Variants in CYP7B1 observed in about 807,000 individuals in gnomAD.
The protein encoded by CYP7B1 is cytochrome P450 family 7 subfamily B member 1, also known as cytochrome P450 7B1.
Under a neutral mutation model 42.7 loss-of-function variants are expected in CYP7B1, and 29 were observed. The ratio of observed to expected loss-of-function variants is 0.68; its 90% CI spans 0.51 to 0.93. The LOEUF (loss-of-function observed/expected upper bound fraction) is 0.93. CYP7B1 is among the 40% of genes least tolerant of loss of function. CYP7B1 has a pLI of 0.00. For synonymous variants in CYP7B1, 235 were observed against 218.2 expected, an observed-to-expected ratio of 1.08 and a Z score of -0.68; for missense variants, 655 against 600.5, an observed-to-expected ratio of 1.09 and a Z score of -0.95.
chr8:64,645,474 C>G (rs1435448558), intron 1 of CYP7B1, among the ~76,000 whole-genome samples: 1 of 152,062 alleles, frequency 6.6e-6, no homozygotes, highest in Non-Finnish European at 1.5e-5. Context: ...GAGATGGTAT[C>G]TCATTGTGGT....
chr8:64,739,203 A>G (rs1302786404), intron 1 of CYP7B1, among the ~76,000 whole-genome samples: 2 of 152,188 alleles, frequency 1.3e-5, no homozygotes, highest in Non-Finnish European at 2.9e-5. Context: ...AAGCTAAGAA[A>G]CATTGGTGAA....
intron 1 of CYP7B1, among the ~76,000 whole-genome samples, chr8:64,764,166 G>A: frequency 6.6e-6 from 1 of 152,078 alleles, no homozygotes. Context: ...AAATGGCTAG[G>A]AAGATTGCTC....
At chr8:64,700,938 G>A (rs1806906885) in intron 1 of CYP7B1, among the ~76,000 whole-genome samples, 1 of 151,924 alleles carries the variant, frequency 6.6e-6, no homozygotes, top group Non-Finnish European at 1.5e-5. Flanking sequence ...TGTTGTTGTT[G>A]TTGTTGTTGC....
intron 2 of CYP7B1, among the ~76,000 whole-genome samples, chr8:64,621,734 ATTTT>A (rs201366655): frequency 2.3e-5 from 3 of 132,646 alleles, no homozygotes; most frequent in African/African-American, 5.5e-5. Flanking sequence ...AATGCATACA[ATTTT>A]TTTTTTTTTT....
chr8:64,614,233 A>G (rs1377485867), intron 4 of CYP7B1, among the ~76,000 whole-genome samples: 1 of 152,136 alleles, frequency 6.6e-6, no homozygotes, highest in Non-Finnish European at 1.5e-5. Flanking sequence ...GCAGCGTGCT[A>G]ATTAAACGAA....
intron 1 of CYP7B1, among the ~76,000 whole-genome samples, chr8:64,671,609 C>T (rs777281081): frequency 6.6e-6 from 1 of 152,070 alleles, no homozygotes; most frequent in African/African-American, 2.4e-5. Flanking sequence ...CAGCATCAAC[C>T]CTTGCCTGAG....
intron 1 of CYP7B1, among the ~76,000 whole-genome samples, chr8:64,784,967 A>G (rs993609288): frequency 1.3e-5 from 2 of 152,226 alleles, no homozygotes; most frequent in African/African-American, 4.8e-5. Context: ...AAGAGACAGT[A>G]TTTTCAAAAT....
At chr8:64,796,360 T>C (rs934849392) in intron 1 of CYP7B1, among the ~76,000 whole-genome samples, 1 of 152,196 alleles carries the variant, frequency 6.6e-6, no homozygotes, top group Non-Finnish European at 1.5e-5. Context: ...AGACAATTAT[T>C]TTCTTTAAAA....
chr8:64,701,363 G>A (rs1022856945), intron 1 of CYP7B1, among the ~76,000 whole-genome samples: 13 of 151,924 alleles, frequency 8.6e-5, no homozygotes, highest in African/African-American at 3.1e-4. Context: ...AGACCCACTG[G>A]CTGCTATGGA....
rs1270397777 is a variant in CYP7B1, at chr8:64,591,555, C to T, written c.*5087G>A. 6.6e-6 allele frequency among the ~76,000 whole-genome samples: 1 copy of T among 152,106 alleles called. No individual in the cohort carries two copies. Among genetic ancestry groups the T allele is most frequent in the Non-Finnish European group, 1.5e-5 (1 of 68,018 alleles). On this transcript the variant is annotated 3_prime_UTR_variant, in exon 6 of 6. Transcript: ENST00000310193. ...CTACTGTTAAGTTAGAAGTCACTTGCAGAAAATTACCCAAATTATTTTTAT... is the reference window on the plus strand; with the variant it reads ...CTACTGTTAAGTTAGAAGTCACTTGTAGAAAATTACCCAAATTATTTTTAT...
intron 2 of CYP7B1, among the ~76,000 whole-genome samples, chr8:64,623,964 A>G (rs958696968): frequency 1.3e-5 from 2 of 152,208 alleles, no homozygotes; most frequent in Non-Finnish European, 2.9e-5. Flanking sequence ...TAACAAATAT[A>G]CTACATAGAT....
At chr8:64,725,342 G>A (rs937193936) in intron 1 of CYP7B1, among the ~76,000 whole-genome samples, 8 of 152,200 alleles carry the variant, frequency 5.3e-5, no homozygotes, top group African/African-American at 1.9e-4. Flanking sequence ...GTCACACCCT[G>A]TCCACTTCTA....
intron 1 of CYP7B1, among the ~76,000 whole-genome samples, chr8:64,784,322 T>C (rs996532036): frequency 6.6e-6 from 1 of 152,176 alleles, no homozygotes; most frequent in Non-Finnish European, 1.5e-5. Context: ...ATAAATTCTG[T>C]GCTTACAGAC....
At chr8:64,784,030 T>C (rs570537609) in intron 1 of CYP7B1, among the ~76,000 whole-genome samples, 1 of 152,278 alleles carries the variant, frequency 6.6e-6, no homozygotes, top group Non-Finnish European at 1.5e-5. Flanking sequence ...TACCAAGGTA[T>C]CAGTCCTTGA....
chr8:64,686,492 G>C (rs1368296711), intron 1 of CYP7B1, among the ~76,000 whole-genome samples: 1 of 49,698 alleles, frequency 2.0e-5, no homozygotes, highest in Admixed American at 1.6e-4. Flanking sequence ...CGCCCCGTCC[G>C]GGAGGGAGGT....
At chr8:64,775,680 G>T (rs1804312641) in intron 1 of CYP7B1, among the ~76,000 whole-genome samples, 1 of 152,138 alleles carries the variant, frequency 6.6e-6, no homozygotes, top group Non-Finnish European at 1.5e-5. Flanking sequence ...ATTCTGACGT[G>T]CTGTGGGAAC....
chr8:64,794,363 T>C (rs1804671835), intron 1 of CYP7B1, among the ~76,000 whole-genome samples: 1 of 152,240 alleles, frequency 6.6e-6, no homozygotes, highest in Non-Finnish European at 1.5e-5. Context: ...TGACAGAGTT[T>C]AGGGTTTGAA....
chr8:64,610,974 T>G (rs534368797), intron 4 of CYP7B1, among the ~76,000 whole-genome samples: 19 of 152,250 alleles, frequency 1.2e-4, no homozygotes, highest in Middle Eastern at 6.8e-3. Flanking sequence ...ATAAAACACT[T>G]AACACAGTGG....
chr8:64,785,670 TA>T (rs911559153), intron 1 of CYP7B1, among the ~76,000 whole-genome samples: 34 of 146,456 alleles, frequency 2.3e-4, no homozygotes, highest in Non-Finnish European at 2.4e-4. Context: ...AGGGAGACGG[TA>T]AAAAAAAAAA....
Sources: gnomAD v4.1 joint callset for allele counts (sites outside exome capture counted in the v4.1 genomes callset) on GRCh38, gnomAD v4.1.1 for gene constraint, MANE v1.5 for transcripts, NCBI Gene and HGNC (gene_info 2026-07-23, HGNC 2026-07-21) for gene names.